The following ZNF48 variants were observed in gnomAD, a reference collection of about 807,000 sequenced individuals.
The protein encoded by ZNF48 is zinc finger protein 48, also known as zinc finger protein 553.
Under a neutral mutation model 40.0 loss-of-function variants are expected in ZNF48, and 20 were observed. The observed-to-expected ratio is 0.50, with a 90% confidence interval of 0.35 to 0.73. The LOEUF (loss-of-function observed/expected upper bound fraction) is 0.73, where lower values mean the gene tolerates loss of function less well. Among genes scored for constraint, ZNF48 ranks in the 30% least tolerant of loss-of-function variants. ZNF48 has a pLI of 0.01. For synonymous variants in ZNF48, 298 were observed against 329.7 expected (o/e 0.90, Z 1.04); for missense variants, 726 against 851.9 (o/e 0.85, Z 1.84).
rs1447512396 is a variant in ZNF48, at chr16:30,381,120, C to T, written c.-16+2710C>T. 1 of 1,608,074 alleles carries T rather than the reference C, an allele frequency of 6.2e-7. No individual in the cohort carries two copies. The highest frequency in any genetic ancestry group is 8.5e-7 in the Non-Finnish European group (1 of 1,174,440). The stretch of plus-strand genomic sequence containing the variant: ...TGGGGTCAAAGGTCAGAGGTCATCA[C>T]TCACACCTTCTGCTTGAGGGCCTGG... On this transcript the variant is annotated intron_variant, in intron 1 of 2. Coordinates refer to the ZNF48 transcript ENST00000528032. The surrounding 1 kb of genome is among the most constrained non-coding windows in gnomAD (Gnocchi z 4.3).
chr16:30,398,848 G>C lies in ZNF48; in HGVS notation c.1598G>C (p.Arg533Pro), dbSNP rs368795388. 3 of 1,613,830 alleles carry C rather than the reference G, an allele frequency of 1.9e-6. No homozygotes were observed. Among genetic ancestry groups the C allele is most frequent in the African/African-American group, 2.7e-5 (2 of 74,988 alleles). The stretch of plus-strand genomic sequence containing the variant: ...CCCATGGCCCCTCGACCCCGAGTTC[G>C]GGCCCAGCCTTCTGGACCCAGCCAG... ...PVPMAPRPRV[R>P]AQPSGPSQPH... Residue 533 changes from arginine to proline, a missense_variant, in exon 3 of 3, where the codon CGG becomes CCG. Around this residue, in one of 5 missense-constraint regions of ZNF48, gnomAD observed 166 missense variants for 163.6 expected, o/e 1.01. Coordinates refer to ENST00000613509, the MANE Select transcript of ZNF48 (RefSeq NM_001214909.2). This position sits in a 1 kb window ranked among gnomAD's most constrained non-coding sequence, Gnocchi z 6.6.
Position 30,399,001 on chromosome 16 carries a change from C to T in ZNF48, c.1751C>T (p.Ser584Phe). 3 of 1,614,006 alleles carry T rather than the reference C, an allele frequency of 1.9e-6. No individual in the cohort carries two copies. Among genetic ancestry groups the T allele is most frequent in the Non-Finnish European group, 2.5e-6 (3 of 1,180,008 alleles). Residue 584 changes from serine (S) to phenylalanine (F), a missense_variant, in exon 3 of 3, where the codon TCT (serine) becomes TTT (phenylalanine). This residue lies in a region of ZNF48 where 166 missense variants were observed against 163.6 expected (regional missense o/e 1.01). Transcript: ENST00000613509. ...TGTGGCAAGGGTTTTGGTGACAGTT[C>T]TGCCCGCATCAAGCACCAGCGTGGG... ...AECGKGFGDS[S>F]ARIKHQRGHL...
rs1661443178 is a variant in ZNF48, at chr16:30,398,202, C to T, written c.952C>T (p.Leu318=). Residue 318 remains leucine (L), a synonymous_variant, in exon 3 of 3, where the codon CTG becomes TTG. Coordinates refer to ENST00000613509, the MANE Select transcript of ZNF48 (RefSeq NM_001214909.2). This position sits in a 1 kb window ranked among gnomAD's most constrained non-coding sequence, Gnocchi z 6.6. ...CGKEFARGSD[L]VKHLRVHTGE... Reference sequence around the variant, plus strand: ...AAAGGAGTTTGCCCGGGGATCCGACCTGGTGAAGCACCTGCGGGTGCACAC... The same window carrying T: ...AAAGGAGTTTGCCCGGGGATCCGACTTGGTGAAGCACCTGCGGGTGCACAC... The T allele has an allele frequency of 1.2e-6, 2 of 1,613,916 alleles. No homozygotes were observed. Among genetic ancestry groups the T allele is most frequent in the African/African-American group, 2.7e-5 (2 of 74,948 alleles).
upstream of ZNF48, among the ~76,000 whole-genome samples, chr16:30,393,741 G>C (rs1373605940): frequency 6.7e-6 from 1 of 150,240 alleles, no homozygotes; most frequent in Non-Finnish European, 1.5e-5. Flanking sequence ...TTTTAGATGG[G>C]GTCTCGCTCT....
intron 1 of ZNF48, among the ~76,000 whole-genome samples, chr16:30,390,299 T>C (rs1478457929): frequency 6.6e-6 from 1 of 152,210 alleles, no homozygotes; most frequent in Non-Finnish European, 1.5e-5. Context: ...ATGGCAGGCA[T>C]GCTGACCATT....
rs1167683501 is a variant in ZNF48, at chr16:30,396,688, CTTTTTTTT to C, written c.80-626_80-619del. ...CTTAGTTAGACATCACGCTTTGCTA[CTTTTTTTT>C]TTTTTTTTTTTTTTTGGCGACAGGG... is the stretch of plus-strand genomic sequence containing the variant. On this transcript the variant is annotated intron_variant, in intron 2 of 2. Coordinates refer to ENST00000613509, the MANE Select transcript of ZNF48 (RefSeq NM_001214909.2). 2.9e-3 allele frequency among the ~76,000 whole-genome samples: 328 copies of C among 112,070 alleles called. 1 individual carries two copies. Among genetic ancestry groups the C allele is most frequent in the African/African-American group, 0.012 (319 of 25,794 alleles). The allele number at this position is 112,070 out of a possible 152,430, so 73.5% of individuals were successfully genotyped here. A position where few individuals can be genotyped will look rare whatever the true frequency, so the allele number is the denominator to read the frequency against.
chr16:30,397,979 G>A lies in ZNF48; in HGVS notation c.729G>A (p.Arg243=). Residue 243 remains arginine, a synonymous_variant, in exon 3 of 3, where the codon CGG becomes CGA. Transcript: ENST00000613509. This position sits in a 1 kb window ranked among gnomAD's most constrained non-coding sequence, Gnocchi z 4.1. ...SARIKHQRTH[R]GEQPPRPVVP... ...GCATCAAGCACCAGCGGACACACCG[G>A]GGGGAGCAGCCCCCCCGACCAGTGG... 1.9e-6 allele frequency: 3 copies of A among 1,613,906 alleles called. No homozygotes were observed. The highest frequency in any genetic ancestry group is 2.5e-6 in the Non-Finnish European group (3 of 1,179,982).
At chr16:30,379,040 C>G in intron 1 of ZNF48, 1 of 1,613,376 alleles carries the variant, frequency 6.2e-7, no homozygotes, top group South Asian at 1.1e-5. Flanking sequence ...CGATCGCGAG[C>G]CCCAGGCCGG....
Position 30,397,955 on chromosome 16 carries a change from C to T in ZNF48, c.705C>T (p.Arg235=), listed in dbSNP as rs913354110. 1.2e-6 allele frequency: 2 copies of T among 1,612,652 alleles called. No individual in the cohort carries two copies. Among genetic ancestry groups the T allele is most frequent in the Non-Finnish European group, 8.5e-7 (1 of 1,179,124 alleles). ...CGKGFGDSSA[R]IKHQRTHRGE... ...AGGGCTTTGGCGACAGTTCCGCCCG[C>T]ATCAAGCACCAGCGGACACACCGGG... The change falls in exon 3 of 3, where the codon CGC becomes CGT. Residue 235 remains arginine, a synonymous_variant. Coordinates refer to ENST00000613509, the MANE Select transcript of ZNF48 (RefSeq NM_001214909.2). This position sits in a 1 kb window ranked among gnomAD's most constrained non-coding sequence, Gnocchi z 4.1.
chr16:30,399,330 TA>T lies in ZNF48; in HGVS notation c.*224del. On this transcript the variant is annotated 3_prime_UTR_variant, in exon 3 of 3. Transcript: ENST00000613509. ...CAGGACGGGCTGTACCCCTGGCTTC[TA>T]GAAGACTGCCTAGCACACAGTAGGC... The T allele has an allele frequency of 2.0e-6, 1 of 510,604 alleles. No homozygotes were observed. The highest frequency in any genetic ancestry group is 3.5e-6 in the Non-Finnish European group (1 of 289,694). The allele number at this position is 510,604 out of a possible 1,614,324, so 31.6% of individuals were successfully genotyped here.
chr16:30,382,599 C>A lies in ZNF48; in HGVS notation c.-16+4189C>A. The A allele has an allele frequency of 1.3e-6, 2 of 1,558,596 alleles. No individual in the cohort carries two copies. Among genetic ancestry groups the A allele is most frequent in the Admixed American group, 1.9e-5 (1 of 51,450 alleles). On this transcript the variant is annotated intron_variant, in intron 1 of 2. Coordinates refer to the ZNF48 transcript ENST00000528032. This position sits in a 1 kb window ranked among gnomAD's most constrained non-coding sequence, Gnocchi z 4.8. Reference sequence around the variant, plus strand: ...TGGTGGGGCAGGAAGCTGAGTGCGGCTAACAAGGGGGCGGGCAGAAGAGGC... The same window carrying A: ...TGGTGGGGCAGGAAGCTGAGTGCGGATAACAAGGGGGCGGGCAGAAGAGGC...
At chr16:30,395,240 G>A (rs1013633974), upstream of ZNF48, 4 of 456,174 alleles carry the variant, frequency 8.8e-6, no homozygotes, top group African/African-American at 6.0e-5. This position sits in a 1 kb window ranked among gnomAD's most constrained non-coding sequence, Gnocchi z 5.9. Flanking sequence ...TGCAGCCCAG[G>A]AGGCACACGG....
At chr16:30,392,682 TC>T (rs528905500), upstream of ZNF48, among the ~76,000 whole-genome samples, 297 of 152,290 alleles carry the variant, frequency 2.0e-3, no homozygotes, top group Non-Finnish European at 3.8e-3. Context: ...TTAAGTAACT[TC>T]CCTAAAGTCA....
rs11864833 is a variant in ZNF48 at position 30,398,336 on chromosome 16, G to A, written c.1086G>A (p.Pro362=). The change falls in exon 3 of 3, where the codon CCG becomes CCA. Residue 362 remains proline, a synonymous_variant. Transcript: ENST00000613509. The surrounding 1 kb of genome is among the most constrained non-coding windows in gnomAD (Gnocchi z 6.6). ...GTGGCGAGAGGCCCCATGCCTGCCC[G>A]GAATGCGACCGTACCTTCAGCCTCA... ...THSGERPHAC[P]ECDRTFSLSS... 3.8e-4 allele frequency: 614 copies of A among 1,611,880 alleles called. 2 individuals carry two copies. In the African/African-American group the frequency reaches 7.5e-3, roughly 20 times the overall value.
At position 30,396,688 on chromosome 16, in the gene ZNF48, CTT is replaced by C. The variant is rs1167683501; in HGVS notation, c.80-620_80-619del. On this transcript the variant is annotated intron_variant, in intron 2 of 2. Coordinates refer to ENST00000613509, the MANE Select transcript of ZNF48 (RefSeq NM_001214909.2). The stretch of plus-strand genomic sequence containing the variant: ...CTTAGTTAGACATCACGCTTTGCTA[CTT>C]TTTTTTTTTTTTTTTTTTTTTGGCG... 2.3e-3 allele frequency among the ~76,000 whole-genome samples: 257 copies of C among 112,048 alleles called. 1 individual carries two copies. The highest frequency in any genetic ancestry group is 8.9e-3 in the African/African-American group (230 of 25,790). The allele number at this position is 112,048 out of a possible 152,430, so 73.5% of individuals were successfully genotyped here.
At chr16:30,392,318 C>T (rs558817313), upstream of ZNF48, among the ~76,000 whole-genome samples, 208 of 152,176 alleles carry the variant, frequency 1.4e-3, no homozygotes, top group African/African-American at 4.3e-3. Flanking sequence ...CCACCGCCCC[C>T]GGCCCTGTAT....
chr16:30,379,886 C>T (rs769905891), intron 1 of ZNF48: 18 of 1,030,780 alleles, frequency 1.7e-5, no homozygotes, highest in East Asian at 7.3e-5. Context: ...GGATTACAGA[C>T]GTGAGCCACC....
chr16:30,397,548 G>A lies in ZNF48; in HGVS notation c.298G>A (p.Glu100Lys). The part of the protein sequence containing the change: ...PRDRGPRLLG[E>K]PRWGQASSDR... ...GGACAGAGGCCCCCGGCTCCTGGGT[G>A]AACCACGCTGGGGCCAGGCTAGTAG... Residue 100 changes from glutamate (E) to lysine (K), a missense_variant, in exon 3 of 3, where the codon GAA becomes AAA. Glu to Lys is a moderately conservative substitution (Grantham distance 56). Coordinates refer to ENST00000613509, the MANE Select transcript of ZNF48 (RefSeq NM_001214909.2). This position sits in a 1 kb window ranked among gnomAD's most constrained non-coding sequence, Gnocchi z 4.1. 6.2e-7 allele frequency: 1 copy of A among 1,614,160 alleles called. No homozygotes were observed. The highest frequency in any genetic ancestry group is 8.5e-7 in the Non-Finnish European group (1 of 1,180,034).
chr16:30,397,940 C>T lies in ZNF48; in HGVS notation c.690C>T (p.Gly230=), dbSNP rs139673904. 1.4e-4 allele frequency: 226 copies of T among 1,612,530 alleles called. No individual in the cohort carries two copies. Among genetic ancestry groups the T allele is most frequent in the Non-Finnish European group, 1.7e-4 (203 of 1,179,096 alleles). The part of the protein sequence containing the change: ...YKCGICGKGF[G]DSSARIKHQR... Reference sequence around the variant, plus strand: ...GTGGCATATGTGGCAAGGGCTTTGGCGACAGTTCCGCCCGCATCAAGCACC... The same window carrying T: ...GTGGCATATGTGGCAAGGGCTTTGGTGACAGTTCCGCCCGCATCAAGCACC... The change falls in exon 3 of 3, where the codon GGC becomes GGT. Residue 230 remains glycine, a synonymous_variant. Transcript: ENST00000613509. This position sits in a 1 kb window ranked among gnomAD's most constrained non-coding sequence, Gnocchi z 4.1.
Sources: gnomAD v4.1 joint callset for allele counts (sites outside exome capture counted in the v4.1 genomes callset) on GRCh38, gnomAD v4.1.1 for gene constraint, gnomAD v4.1.1 regional missense constraint, Gnocchi (gnomAD v3.1) non-coding constraint, MANE v1.5 for transcripts, NCBI Gene and HGNC (gene_info 2026-07-23, HGNC 2026-07-21) for gene names.